The following GSE1 variants were observed in gnomAD, a reference collection of about 807,000 sequenced individuals.
GSE1 encodes Gse1 coiled-coil protein.
Under a neutral mutation model 112.6 loss-of-function variants are expected in GSE1, and 32 were observed. The ratio of observed to expected loss-of-function variants is 0.28; its 90% CI spans 0.21 to 0.38. GSE1 has a LOEUF of 0.38. Among genes scored for constraint, GSE1 ranks in the 10% least tolerant of loss-of-function variants. The pLI is 1.00. For missense variants in GSE1, 2,348 were observed against 1,699.2 expected (o/e 1.38, Z -6.71); for synonymous variants, 1,115 against 735.6 (o/e 1.52, Z -8.35).
At chr16:85,323,189 A>G (rs1032205074) in intron 1 of GSE1, among the ~76,000 whole-genome samples, 4 of 152,190 alleles carry the variant, frequency 2.6e-5, no homozygotes, top group Non-Finnish European at 5.9e-5. Context: ...GAAGGGCTGC[A>G]GTCTCAAAAC....
intron 2 of GSE1, among the ~76,000 whole-genome samples, chr16:85,364,265 CT>C (rs2047141267): frequency 6.6e-6 from 1 of 152,186 alleles, no homozygotes; most frequent in Non-Finnish European, 1.5e-5. Context: ...CGGGTGGCAC[CT>C]CCTTCTCTCT....
At chr16:85,472,214 A>G (rs2050316678) in intron 2 of GSE1, among the ~76,000 whole-genome samples, 1 of 152,224 alleles carries the variant, frequency 6.6e-6, no homozygotes, top group Admixed American at 6.5e-5. Context: ...ATAAATGACC[A>G]TAAACTGGGT....
intron 2 of GSE1, among the ~76,000 whole-genome samples, chr16:85,477,325 T>C (rs577089604): frequency 6.6e-6 from 1 of 152,260 alleles, no homozygotes; most frequent in African/African-American, 2.4e-5. Context: ...AGATTCCGAA[T>C]ATGCGTTTTG....
At chr16:85,563,602 C>A (rs1013353579) in intron 1 of GSE1, among the ~76,000 whole-genome samples, 2 of 152,238 alleles carry the variant, frequency 1.3e-5, no homozygotes, top group African/African-American at 4.8e-5. Flanking sequence ...CTCAGCCCTG[C>A]CGGAAGCCCA....
At chr16:85,314,827 C>T (rs2045954173) in intron 1 of GSE1, among the ~76,000 whole-genome samples, 1 of 152,174 alleles carries the variant, frequency 6.6e-6, no homozygotes, top group African/African-American at 2.4e-5. Context: ...CATGTATCTT[C>T]CAAGGCCTCT....
intron 1 of GSE1, among the ~76,000 whole-genome samples, chr16:85,598,570 G>A (rs748839141): frequency 6.6e-5 from 10 of 152,246 alleles, no homozygotes; most frequent in Non-Finnish European, 1.3e-4. Flanking sequence ...CTTCTAATCC[G>A]TAGTGCCCGG....
intron 1 of GSE1, among the ~76,000 whole-genome samples, chr16:85,625,369 G>T (rs2049002729): frequency 6.6e-6 from 1 of 152,318 alleles, no homozygotes; most frequent in South Asian, 2.1e-4. Context: ...AGGACCGTCG[G>T]CTCCTAGGAG....
At chr16:85,279,768 C>G (rs2044800367) in intron 1 of GSE1, among the ~76,000 whole-genome samples, 1 of 152,166 alleles carries the variant, frequency 6.6e-6, no homozygotes, top group African/African-American at 2.4e-5. Flanking sequence ...GTTTTCTCAA[C>G]TCCAACTTCT....
intron 2 of GSE1, among the ~76,000 whole-genome samples, chr16:85,398,725 G>A (rs1365088501): frequency 6.6e-6 from 1 of 152,170 alleles, no homozygotes; most frequent in African/African-American, 2.4e-5. Flanking sequence ...GAGAGAGAAT[G>A]TAACTTTACA....
intron 1 of GSE1, among the ~76,000 whole-genome samples, chr16:85,558,202 C>A (rs534898557): frequency 6.6e-6 from 1 of 152,214 alleles, no homozygotes; most frequent in African/African-American, 2.4e-5. Flanking sequence ...TCATCAGAGC[C>A]CTTTAGCCCA....
At chr16:85,412,824 A>C (rs1017084214) in intron 2 of GSE1, among the ~76,000 whole-genome samples, 2 of 152,116 alleles carry the variant, frequency 1.3e-5, no homozygotes, top group Non-Finnish European at 2.9e-5. Context: ...ACCTGCAAAC[A>C]CCCTTACCTT....
rs536039680 is a variant in GSE1 at position 85,264,068 on chromosome 16, A to G, written c.2283+92261A>G. Among the ~76,000 whole-genome samples the G allele has an allele frequency of 9.0e-3, 1,375 of 152,218 alleles. 17 individuals carry two copies. Among genetic ancestry groups the G allele is most frequent in the Non-Finnish European group, 9.8e-3 (666 of 67,990 alleles). On this transcript the variant is annotated intron_variant, in intron 1 of 2. Coordinates refer to the GSE1 transcript ENST00000637419. ...ACAGACCCTTAGCACTACCAGATACAGAAGGCGGGGAATGGTATTCCAAGT... is the reference window on the plus strand; with the variant it reads ...ACAGACCCTTAGCACTACCAGATACGGAAGGCGGGGAATGGTATTCCAAGT...
intron 1 of GSE1, among the ~76,000 whole-genome samples, chr16:85,333,515 TG>T (rs1597415987): frequency 6.6e-6 from 1 of 152,192 alleles, no homozygotes. Flanking sequence ...CCTTAGGGCT[TG>T]GGGGGCCTGG....
Position 85,235,428 on chromosome 16 carries a change from CTGTGTGTGTG to C in GSE1, c.2283+63655_2283+63664del, listed in dbSNP as rs60860144. 3.1e-3 allele frequency among the ~76,000 whole-genome samples: 397 copies of C among 126,394 alleles called. 4 individuals are homozygous for C. The highest frequency in any genetic ancestry group is 0.01 in the African/African-American group (328 of 32,608). 82.9% of individuals were successfully genotyped at this position (126,394 alleles called of 152,430 possible). Reference sequence around the variant, plus strand: ...GGGTGAGGGGGGTGATGGAAGGGTACTGTGTGTGTGTGTGTGTGTGTGTGTGTGTGTGTGT... The same window carrying C: ...GGGTGAGGGGGGTGATGGAAGGGTACTGTGTGTGTGTGTGTGTGTGTGTGT... On this transcript the variant is annotated intron_variant, in intron 1 of 2. Transcript: ENST00000637419.
chr16:85,516,795 GTTCTTTTTTTT>G (rs1459741669), intron 2 of GSE1, among the ~76,000 whole-genome samples: 1 of 116,980 alleles, frequency 8.5e-6, no homozygotes, highest in East Asian at 3.3e-4. Context: ...ATGTGTCTTG[GTTCTTTTTTTT>G]TTTTTTTTTG....
At chr16:85,533,009 G>A (rs1161191863) in intron 2 of GSE1, among the ~76,000 whole-genome samples, 2 of 152,212 alleles carry the variant, frequency 1.3e-5, no homozygotes, top group African/African-American at 4.8e-5. Flanking sequence ...TCTGCCGGAG[G>A]TGTCGGCCGC....
chr16:85,252,100 C>T (rs2144033598), intron 1 of GSE1, among the ~76,000 whole-genome samples: 1 of 152,312 alleles, frequency 6.6e-6, no homozygotes, highest in East Asian at 1.9e-4. Flanking sequence ...GGGCTGACTC[C>T]CGCACTGTGG....
intron 1 of GSE1, chr16:85,592,852 G>A (rs960727455): frequency 6.6e-6 from 1 of 152,422 alleles, no homozygotes; most frequent in Non-Finnish European, 1.5e-5. Flanking sequence ...AACTGGATGA[G>A]TCACCCTAAG....
At chr16:85,382,863 C>G (rs776573603) in intron 2 of GSE1, among the ~76,000 whole-genome samples, 46 of 151,890 alleles carry the variant, frequency 3.0e-4, no homozygotes, top group Non-Finnish European at 5.9e-4. Context: ...TGTGCACACA[C>G]AGCACACATG....
Sources: gnomAD v4.1 joint callset for allele counts (sites outside exome capture counted in the v4.1 genomes callset) on GRCh38, gnomAD v4.1.1 for gene constraint, MANE v1.5 for transcripts, NCBI Gene and HGNC (gene_info 2026-07-23, HGNC 2026-07-21) for gene names.